The following CAMK2B variants were observed in gnomAD, a reference collection of about 807,000 sequenced individuals.
The protein encoded by CAMK2B is calcium/calmodulin-dependent protein kinase type II subunit beta.
Under a neutral mutation model 93.7 loss-of-function variants are expected in CAMK2B, and 27 were observed. The observed-to-expected ratio is 0.29, with a 90% CI of 0.21 to 0.40. The LOEUF is 0.40. CAMK2B is among the 10% of genes least tolerant of loss of function. CAMK2B has a pLI of 1.00. For synonymous variants in CAMK2B, 374 were observed against 358.8 expected (o/e 1.04, Z -0.48); for missense variants, 568 against 895.8 (o/e 0.63, Z 4.67).
In CAMK2B at chr7:44,220,181, C is replaced by G. The variant is rs773190468; in HGVS notation, c.1882G>C (p.Gly628Arg). ...AYIRLTQYIDGQGRPRTSQSE... is the reference protein window; with the variant it reads ...AYIRLTQYIDRQGRPRTSQSE... ...TGGCTGGTGCGGGGCCGGCCCTGCCCGTCAATGTACTGCGTGAGCCGGATG... is the reference window on the plus strand; with the variant it reads ...TGGCTGGTGCGGGGCCGGCCCTGCCGGTCAATGTACTGCGTGAGCCGGATG... The change falls in exon 23 of 24, where the codon GGG becomes CGG. Residue 628 changes from glycine to arginine, a missense_variant. This residue lies in a region of CAMK2B where 116 missense variants were observed against 188.0 expected (regional missense o/e 0.62). Coordinates refer to ENST00000395749, the MANE Select transcript of CAMK2B (RefSeq NM_001220.5). 6.2e-7 allele frequency: 1 copy of G among 1,612,726 alleles called. No homozygotes were observed. The highest frequency in any genetic ancestry group is 1.3e-5 in the African/African-American group (1 of 74,938).
chr7:44,242,165 G>C, intron 10 of CAMK2B, 53 bp downstream of exon 10: 1 of 1,582,740 alleles, frequency 6.3e-7, no homozygotes, highest in East Asian at 2.2e-5. Context: ...AGTGGTCTGA[G>C]GCCATCTCCA....
chr7:44,265,214 G>A (rs934641172), intron 2 of CAMK2B, among the ~76,000 whole-genome samples: 41 of 152,300 alleles, frequency 2.7e-4, no homozygotes, highest in African/African-American at 9.1e-4. Context: ...TTCTTCTGAC[G>A]CGTGTGTAAC....
At chr7:44,246,034 C>T (rs181265185) in intron 6 of CAMK2B, among the ~76,000 whole-genome samples, 122 of 152,218 alleles carry the variant, frequency 8.0e-4, no homozygotes, top group African/African-American at 2.8e-3. Context: ...TCTGAGAGGC[C>T]ACCCTGTGCC....
intron 4 of CAMK2B, among the ~76,000 whole-genome samples, chr7:44,256,040 G>A (rs917497809): frequency 2.0e-5 from 3 of 152,156 alleles, no homozygotes; most frequent in Non-Finnish European, 1.5e-5. Context: ...TCTGTTGCCT[G>A]ACTGGTTCTG....
At chr7:44,258,646 C>T (rs771134785) in intron 4 of CAMK2B, among the ~76,000 whole-genome samples, 12 of 152,202 alleles carry the variant, frequency 7.9e-5, no homozygotes, top group Non-Finnish European at 1.5e-4. Flanking sequence ...GGATGTCAGC[C>T]CTGCCTCTGT....
At chr7:44,252,986 A>G (rs2096794131) in intron 5 of CAMK2B, among the ~76,000 whole-genome samples, 1 of 152,182 alleles carries the variant, frequency 6.6e-6, no homozygotes, top group East Asian at 1.9e-4. Context: ...GTCTGGGGCC[A>G]AGAGACTCAC....
At chr7:44,318,031 T>C (rs73099837) in intron 1 of CAMK2B, among the ~76,000 whole-genome samples, 11,602 of 152,202 alleles carry the variant, frequency 0.076, 699 homozygotes, top group African/African-American at 0.17. Context: ...CCATGTGTGG[T>C]TGGGGTTGAG....
intron 2 of CAMK2B, among the ~76,000 whole-genome samples, chr7:44,282,571 C>T (rs1002050522): frequency 6.6e-6 from 1 of 152,216 alleles, no homozygotes; most frequent in African/African-American, 2.4e-5. Context: ...GGCTCAGTGA[C>T]GAGGAGGCAG....
chr7:44,221,496 G>A (rs111959370), intron 20 of CAMK2B, among the ~76,000 whole-genome samples: 1,911 of 150,072 alleles, frequency 0.013, 49 homozygotes, highest in African/African-American at 0.045. Flanking sequence ...GGGCGGCCAC[G>A]TGCGGCGCAG....
chr7:44,291,840 C>T (rs1329835993), intron 1 of CAMK2B, among the ~76,000 whole-genome samples: 1 of 152,164 alleles, frequency 6.6e-6, no homozygotes, highest in Non-Finnish European at 1.5e-5. Context: ...AATGGAAAAC[C>T]ATTCTTCCAA....
rs1789314799 is a variant in CAMK2B, at chr7:44,299,563, TA to T, written c.66-15339del. Reference sequence around the variant, plus strand: ...TGTATATATGACACAATTTAAAAATTAAAAATAAATAAAAAGAATAATTTTG... The same window carrying T: ...TGTATATATGACACAATTTAAAAATTAAAATAAATAAAAAGAATAATTTTG... On this transcript the variant is annotated intron_variant, in intron 1 of 23. Transcript: ENST00000395749. Among the ~76,000 whole-genome samples, 4 of 151,946 alleles carry T rather than the reference TA, an allele frequency of 2.6e-5. 1 individual carries two copies. In the South Asian group the frequency reaches 8.3e-4, roughly 31 times the overall value.
At chr7:44,227,919 T>C (rs1161257647) in intron 19 of CAMK2B, among the ~76,000 whole-genome samples, 1 of 82,498 alleles carries the variant, frequency 1.2e-5, no homozygotes, top group Non-Finnish European at 2.3e-5. Context: ...TAGGGGGACG[T>C]GGAGAGGTTG....
intron 3 of CAMK2B, among the ~76,000 whole-genome samples, chr7:44,260,418 C>A (rs1336026242): frequency 1.3e-5 from 2 of 152,130 alleles, no homozygotes; most frequent in Non-Finnish European, 2.9e-5. Context: ...AAACCTCAGG[C>A]AAAATGCCCT....
At chr7:44,296,912 A>C (rs1330453033) in intron 1 of CAMK2B, among the ~76,000 whole-genome samples, 1 of 152,240 alleles carries the variant, frequency 6.6e-6, no homozygotes, top group Non-Finnish European at 1.5e-5. Context: ...AGAAATGTTA[A>C]AAGAAATTAT....
intron 1 of CAMK2B, among the ~76,000 whole-genome samples, chr7:44,324,593 A>G (rs1279144935): frequency 6.6e-6 from 1 of 152,132 alleles, no homozygotes; most frequent in Non-Finnish European, 1.5e-5. Context: ...AAACCTTCAA[A>G]GCCCCTTCCC....
chr7:44,300,123 G>A (rs1470292943), intron 1 of CAMK2B, among the ~76,000 whole-genome samples: 1 of 150,310 alleles, frequency 6.7e-6, no homozygotes, highest in Admixed American at 6.7e-5. Flanking sequence ...CACAATCATG[G>A]CTCACTGCAG....
intron 17 of CAMK2B, chr7:44,229,845 C>T (rs1376928709): frequency 4.9e-5 from 11 of 223,816 alleles, no homozygotes; most frequent in South Asian, 3.5e-4. Flanking sequence ...GCCAGGCGCA[C>T]GGAGAGGGAG....
At chr7:44,269,854 G>A (rs2096957017) in intron 2 of CAMK2B, among the ~76,000 whole-genome samples, 2 of 152,116 alleles carry the variant, frequency 1.3e-5, no homozygotes, top group Admixed American at 1.3e-4. Context: ...GGCCACCTGG[G>A]ACCACTGCCA....
intron 18 of CAMK2B, 155 bp downstream of exon 18, chr7:44,229,233 G>A (rs1357069642): frequency 9.6e-6 from 6 of 624,018 alleles, no homozygotes; most frequent in Non-Finnish European, 1.7e-5. Flanking sequence ...TCGATGGGCT[G>A]GGGCCACCCT....
Sources: allele counts gnomAD v4.1 joint callset (sites outside exome capture counted in the v4.1 genomes callset), GRCh38; gene constraint gnomAD v4.1.1; regional missense constraint gnomAD v4.1.1; transcripts MANE v1.5; gene names NCBI Gene and HGNC (gene_info 2026-07-23, HGNC 2026-07-21).